The following MEF2A variants were observed in gnomAD, a reference collection of about 807,000 sequenced individuals.
The protein encoded by MEF2A is myocyte enhancer factor 2A.
MEF2A carries 28 observed loss-of-function variants against 55.8 expected under a neutral mutation model. That is an observed-to-expected ratio of 0.50 (90% CI 0.37 to 0.69). The LOEUF (loss-of-function observed/expected upper bound fraction) is 0.69. MEF2A is among the 30% of genes least tolerant of loss of function. The pLI is 0.00. For missense variants in MEF2A, 528 were observed against 626.2 expected, an observed-to-expected ratio of 0.84 and a Z score of 1.67; for synonymous variants, 239 against 227.1, an observed-to-expected ratio of 1.05 and a Z score of -0.47.
At chr15:99,681,784 A>C (rs1158089618) in intron 7 of MEF2A, 1 of 152,118 alleles carries the variant, frequency 6.6e-6, no homozygotes, top group East Asian at 1.9e-4. Flanking sequence ...ATTTTATTTT[A>C]TTTTAGACTA....
intron 2 of MEF2A, among the ~76,000 whole-genome samples, chr15:99,631,976 A>G (rs2043021112): frequency 6.6e-6 from 1 of 152,214 alleles, no homozygotes; most frequent in Non-Finnish European, 1.5e-5. Flanking sequence ...ATGGGAATGT[A>G]TTATTATGAC....
chr15:99,629,811 G>C (rs899428125), intron 2 of MEF2A, among the ~76,000 whole-genome samples: 1 of 152,056 alleles, frequency 6.6e-6, no homozygotes, highest in Non-Finnish European at 1.5e-5. Flanking sequence ...GTGGTGGCAC[G>C]TGCCTGTAGC....
At chr15:99,588,575 G>T (rs926944652) in intron 1 of MEF2A, among the ~76,000 whole-genome samples, 2 of 151,778 alleles carry the variant, frequency 1.3e-5, no homozygotes, top group African/African-American at 4.8e-5. Flanking sequence ...CAAAGTGCTA[G>T]GATTACAGGT....
chr15:99,670,276 A>C (rs1235271055), intron 4 of MEF2A, among the ~76,000 whole-genome samples: 2 of 152,194 alleles, frequency 1.3e-5, no homozygotes, highest in African/African-American at 4.8e-5. Flanking sequence ...AAAAAAAGTC[A>C]GTATAATCCA....
intron 4 of MEF2A, among the ~76,000 whole-genome samples, chr15:99,667,120 A>T (rs1426123371): frequency 6.6e-6 from 1 of 152,242 alleles, no homozygotes; most frequent in Non-Finnish European, 1.5e-5. Context: ...ATCGAGGGTT[A>T]CTAGGAATCT....
At chr15:99,700,988 A>G (rs571214697) in intron 8 of MEF2A, among the ~76,000 whole-genome samples, 2 of 152,332 alleles carry the variant, frequency 1.3e-5, no homozygotes, top group African/African-American at 4.8e-5. Context: ...GAGAGAGTAA[A>G]TCAGCATTAG....
At chr15:99,690,175 G>T (rs1431528769) in intron 7 of MEF2A, 66 bp from the exon 8 acceptor site, 3 of 1,487,714 alleles carry the variant, frequency 2.0e-6, no homozygotes, top group East Asian at 2.4e-5. Flanking sequence ...GGGAAAACTT[G>T]ATTTGTTTGT....
chr15:99,690,863 A>G (rs978185945), intron 8 of MEF2A, among the ~76,000 whole-genome samples: 6 of 152,164 alleles, frequency 3.9e-5, no homozygotes, highest in African/African-American at 1.4e-4. Context: ...ACTTAGATAC[A>G]ATAAATATAC....
intron 1 of MEF2A, among the ~76,000 whole-genome samples, chr15:99,583,341 T>A (rs375265189): frequency 1.3e-5 from 2 of 152,160 alleles, no homozygotes; most frequent in East Asian, 3.9e-4. Flanking sequence ...CATCCAAACT[T>A]TTTCTACATT....
chr15:99,655,837 T>C (rs1330063385), intron 4 of MEF2A, among the ~76,000 whole-genome samples: 1 of 152,146 alleles, frequency 6.6e-6, no homozygotes, highest in Non-Finnish European at 1.5e-5. Context: ...GACCTAATAA[T>C]GCTGTGAAAA....
chr15:99,671,977 T>A (rs1259067781), intron 5 of MEF2A, among the ~76,000 whole-genome samples: 15 of 152,206 alleles, frequency 9.9e-5, no homozygotes, highest in Non-Finnish European at 1.5e-4. Context: ...TTTTAAGGTA[T>A]CTTCCAGCTC....
intron 4 of MEF2A, among the ~76,000 whole-genome samples, chr15:99,655,516 T>G (rs1260759265): frequency 6.6e-6 from 1 of 152,130 alleles, no homozygotes; most frequent in East Asian, 1.9e-4. Flanking sequence ...TTTAAAAGTT[T>G]TAAGTAGTCA....
chr15:99,677,248 C>T (rs994071920), intron 7 of MEF2A, among the ~76,000 whole-genome samples: 34 of 152,020 alleles, frequency 2.2e-4, no homozygotes, highest in African/African-American at 6.5e-4. Flanking sequence ...CAGAAATAAA[C>T]AAACAATGGA....
Position 99,703,445 on chromosome 15 carries a change from T to TA in MEF2A, c.882+61dup, listed in dbSNP as rs761714741. Reference sequence around the variant, plus strand: ...AAGATGTAGAAAGTACTAATTCTCTTACGTGTTGTTATCTAACCAATGTTC... The same window carrying TA: ...AAGATGTAGAAAGTACTAATTCTCTTAACGTGTTGTTATCTAACCAATGTTC... On this transcript the variant is annotated intron_variant, in intron 9 of 11. Transcript: ENST00000557942. The TA allele has an allele frequency of 9.9e-5, 152 of 1,530,280 alleles. 1 individual carries two copies. Among genetic ancestry groups the TA allele is most frequent in the Non-Finnish European group, 1.3e-4 (149 of 1,129,884 alleles). The allele number at this position is 1,530,280 out of a possible 1,614,324, so 94.8% of individuals were successfully genotyped here. A position where few individuals can be genotyped will look rare whatever the true frequency, so the allele number is the denominator to read the frequency against.
chr15:99,569,745 A>T (rs1162668239), intron 1 of MEF2A, among the ~76,000 whole-genome samples: 1 of 152,188 alleles, frequency 6.6e-6, no homozygotes, highest in African/African-American at 2.4e-5. Flanking sequence ...ATTTCTGAAG[A>T]AAAGTTTTTA....
chr15:99,681,658 T>G (rs2053273585), intron 7 of MEF2A: 1 of 152,208 alleles, frequency 6.6e-6, no homozygotes, highest in Admixed American at 6.5e-5. Flanking sequence ...CCATGAGCAT[T>G]GCCTATTTTT....
rs912485017 is a variant in MEF2A at position 99,713,619 on chromosome 15, A to G, written c.*848A>G. 1 of 152,224 alleles carries G rather than the reference A, an allele frequency of 6.6e-6. No individual in the cohort carries two copies. The highest frequency in any genetic ancestry group is 2.1e-4 in the South Asian group (1 of 4,836). 9.4% of individuals were successfully genotyped at this position (152,224 alleles called of 1,614,324 possible). A position where few individuals can be genotyped will look rare whatever the true frequency, so the allele number is the denominator to read the frequency against. ...AAAACACCCTTATGAATTGATGACT[A>G]TATATAAAATTATATTCACTACTTT... On this transcript the variant is annotated 3_prime_UTR_variant, in exon 12 of 12. Transcript: ENST00000557942.
intron 4 of MEF2A, among the ~76,000 whole-genome samples, chr15:99,661,810 A>G (rs1024887056): frequency 6.6e-6 from 1 of 152,136 alleles, no homozygotes; most frequent in Non-Finnish European, 1.5e-5. Context: ...ATGTGTGCAC[A>G]TTATGCAGTA....
At chr15:99,580,197 G>T (rs1253789604) in intron 1 of MEF2A, among the ~76,000 whole-genome samples, 1 of 152,116 alleles carries the variant, frequency 6.6e-6, no homozygotes, top group African/African-American at 2.4e-5. Context: ...AAGAGTTGGG[G>T]TGAATGACAG....
Sources: gnomAD v4.1 joint callset for allele counts (sites outside exome capture counted in the v4.1 genomes callset) on GRCh38, gnomAD v4.1.1 for gene constraint, MANE v1.5 for transcripts, NCBI Gene and HGNC (gene_info 2026-07-23, HGNC 2026-07-21) for gene names.